Variants in TMEM132C observed in about 807,000 individuals in gnomAD.
TMEM132C encodes the protein transmembrane protein 132C, also known as protein phosphatase 1, regulatory subunit 152.
TMEM132C carries 29 observed loss-of-function variants against 61.4 expected under a neutral mutation model. That is an observed-to-expected ratio of 0.47 (90% CI 0.35 to 0.64). TMEM132C has a LOEUF of 0.64. Among genes scored for constraint, TMEM132C ranks in the 30% least tolerant of loss-of-function variants. TMEM132C has a pLI of 0.00. For missense variants in TMEM132C, 1,408 were observed against 1,476.9 expected (o/e 0.95, Z 0.76); for synonymous variants, 656 against 633.1 (o/e 1.04, Z -0.54).
intron 1 of TMEM132C, among the ~76,000 whole-genome samples, chr12:128,381,224 T>A (rs1456043113): frequency 6.6e-6 from 1 of 152,196 alleles, no homozygotes; most frequent in Non-Finnish European, 1.5e-5. Flanking sequence ...CACCGCCTTA[T>A]TGGGGGAATG....
rs181406839 is a variant in TMEM132C, at chr12:128,432,091, G to A, written c.974+16471G>A. 2.9e-3 allele frequency among the ~76,000 whole-genome samples: 445 copies of A among 152,248 alleles called. 2 individuals are homozygous for A. The highest frequency in any genetic ancestry group is 9.9e-3 in the African/African-American group (411 of 41,556). On this transcript the variant is annotated intron_variant, in intron 2 of 8. Transcript: ENST00000435159. ...TTTAGGCCCACTGTTGAGACCCAGC[G>A]CTCAGAAAAACTATTCTTCTCAAAA...
At chr12:128,490,865 C>T (rs1871692638) in intron 2 of TMEM132C, among the ~76,000 whole-genome samples, 1 of 152,192 alleles carries the variant, frequency 6.6e-6, no homozygotes, top group Non-Finnish European at 1.5e-5. Context: ...ATTAGTAGCA[C>T]TCTCCAGCCT....
At position 128,415,064 on chromosome 12, in the gene TMEM132C, G is replaced by C. The variant is rs776496747; in HGVS notation, c.418G>C (p.Val140Leu). 34 of 1,596,936 alleles carry C rather than the reference G, an allele frequency of 2.1e-5. No individual in the cohort carries two copies. Among genetic ancestry groups the C allele is most frequent in the Non-Finnish European group, 2.8e-5 (33 of 1,171,510 alleles). ...AAAAGCCCACATCCTGCGGGACAAA[G>C]TCTACCTGAGCCGGCCCAAAGTGCA... ...KLKAHILRDK[V>L]YLSRPKVQVL... Residue 140 changes from valine to leucine, a missense_variant, in exon 2 of 9, where the codon GTC becomes CTC. Coordinates refer to ENST00000435159, the MANE Select transcript of TMEM132C (RefSeq NM_001136103.3). The surrounding 1 kb of genome is among the most constrained non-coding windows in gnomAD (Gnocchi z 5.8).
chr12:128,634,751 A>G (rs1291953893), intron 4 of TMEM132C, among the ~76,000 whole-genome samples: 1 of 152,202 alleles, frequency 6.6e-6, no homozygotes, highest in Non-Finnish European at 1.5e-5. Flanking sequence ...TAGGGTGTTC[A>G]TTCCTTCATT....
At chr12:128,431,158 A>C (rs989311004) in intron 2 of TMEM132C, among the ~76,000 whole-genome samples, 4 of 152,242 alleles carry the variant, frequency 2.6e-5, no homozygotes, top group African/African-American at 9.6e-5. Flanking sequence ...AGTGATACGA[A>C]GGCAAAACAG....
At chr12:128,434,468 A>G (rs1869503927) in intron 2 of TMEM132C, among the ~76,000 whole-genome samples, 1 of 151,764 alleles carries the variant, frequency 6.6e-6, no homozygotes, top group South Asian at 2.1e-4. Flanking sequence ...TTGTATTTTT[A>G]GTGGAGATGG....
At chr12:128,493,400 G>A (rs1871820705) in intron 2 of TMEM132C, among the ~76,000 whole-genome samples, 1 of 152,188 alleles carries the variant, frequency 6.6e-6, no homozygotes, top group South Asian at 2.1e-4. Context: ...GTAATTGGTA[G>A]CTTGATGGGG....
chr12:128,518,743 CGTGT>C (rs1245817824), intron 2 of TMEM132C, among the ~76,000 whole-genome samples: 2 of 150,914 alleles, frequency 1.3e-5, no homozygotes, highest in African/African-American at 2.4e-5. Flanking sequence ...CATGTGTGTG[CGTGT>C]GTGTGTGTGG....
intron 3 of TMEM132C, among the ~76,000 whole-genome samples, chr12:128,607,224 T>A (rs1876456512): frequency 6.6e-6 from 1 of 152,064 alleles, no homozygotes; most frequent in African/African-American, 2.4e-5. Context: ...TCCTGGAGTG[T>A]TTGAAAGCTT....
chr12:128,330,474 G>C (rs976426720), intron 1 of TMEM132C, among the ~76,000 whole-genome samples: 1 of 152,110 alleles, frequency 6.6e-6, no homozygotes, highest in African/African-American at 2.4e-5. Context: ...GATCACATGA[G>C]CCCAGGAGTC....
Position 128,414,897 on chromosome 12 carries a change from T to C in TMEM132C, c.251T>C (p.Phe84Ser). ...NSSLQARVES[F>S]FTYKTRQPPV... ...AGCCTGCAGGCGAGGGTGGAGTCCT[T>C]CTTTACCTACAAAACCAGGCAGCCC... is the stretch of plus-strand genomic sequence containing the variant. Residue 84 changes from phenylalanine to serine, a missense_variant, in exon 2 of 9, where the codon TTC becomes TCC. Phe to Ser is a radical substitution (Grantham distance 155, BLOSUM62 -2). Coordinates refer to ENST00000435159, the MANE Select transcript of TMEM132C (RefSeq NM_001136103.3). The C allele has an allele frequency of 6.4e-7, 1 of 1,551,842 alleles. No individual in the cohort carries two copies. The highest frequency in any genetic ancestry group is 2.0e-5 in the Admixed American group (1 of 51,004).
intron 1 of TMEM132C, among the ~76,000 whole-genome samples, chr12:128,303,813 T>A (rs1343580387): frequency 6.6e-6 from 1 of 152,178 alleles, no homozygotes; most frequent in Non-Finnish European, 1.5e-5. Context: ...GAAGTGGCAT[T>A]GTGGAAGTCA....
intron 1 of TMEM132C, among the ~76,000 whole-genome samples, chr12:128,304,603 C>T (rs12825269): frequency 0.02 from 2,933 of 148,320 alleles, 33 homozygotes; most frequent in Middle Eastern, 0.041. Flanking sequence ...AGCAAGCCTC[C>T]GTCTCAAAAA....
chr12:128,581,344 C>T (rs538153573), intron 3 of TMEM132C, among the ~76,000 whole-genome samples: 1 of 152,004 alleles, frequency 6.6e-6, no homozygotes, highest in African/African-American at 2.4e-5. Context: ...CCAGTCAGTC[C>T]TTGAACAAAT....
At chr12:128,698,060 T>C (rs569147952) in intron 8 of TMEM132C, among the ~76,000 whole-genome samples, 2 of 152,302 alleles carry the variant, frequency 1.3e-5, no homozygotes, top group South Asian at 2.1e-4. Flanking sequence ...TTCTCCTCCA[T>C]GGGATATAAG....
At chr12:128,670,914 T>TA (rs1243123801) in intron 5 of TMEM132C, among the ~76,000 whole-genome samples, 6 of 152,074 alleles carry the variant, frequency 3.9e-5, no homozygotes, top group South Asian at 4.2e-4. Flanking sequence ...GATTTCTGGT[T>TA]AAAAAAAGCA....
At chr12:128,447,416 C>T (rs1870019700) in intron 2 of TMEM132C, among the ~76,000 whole-genome samples, 1 of 152,112 alleles carries the variant, frequency 6.6e-6, no homozygotes, top group Non-Finnish European at 1.5e-5. Context: ...TGCTGAGGTT[C>T]TAAAACAAAT....
chr12:128,475,019 G>A (rs114454275), intron 2 of TMEM132C, among the ~76,000 whole-genome samples: 2,696 of 152,222 alleles, frequency 0.018, 85 homozygotes, highest in African/African-American at 0.063. Context: ...AGAATCCAGT[G>A]CCGAGGCTAC....
chr12:128,704,933 CT>C (rs1188932912), intron 8 of TMEM132C, among the ~76,000 whole-genome samples, 156 bp from the exon 9 acceptor site: 2 of 152,234 alleles, frequency 1.3e-5, no homozygotes, highest in Non-Finnish European at 2.9e-5. Context: ...TTCTCTGCCC[CT>C]GATAGAAAAC....
Sources: gnomAD v4.1 joint callset for allele counts (sites outside exome capture counted in the v4.1 genomes callset) on GRCh38, gnomAD v4.1.1 for gene constraint, Gnocchi (gnomAD v3.1) non-coding constraint, MANE v1.5 for transcripts, NCBI Gene and HGNC (gene_info 2026-07-23, HGNC 2026-07-21) for gene names.